Variants in ZBTB20 observed in about 807,000 individuals in gnomAD.
ZBTB20 encodes the protein zinc finger and BTB domain containing 20.
Under a neutral mutation model 56.9 loss-of-function variants are expected in ZBTB20, and 9 were observed. That is an observed-to-expected ratio of 0.16 (90% CI 0.10 to 0.28). The LOEUF (loss-of-function observed/expected upper bound fraction) is 0.28. Ranked by LOEUF, ZBTB20 falls within the 10% of genes least tolerant of loss-of-function variation. ZBTB20 has a pLI of 1.00. For missense variants in ZBTB20, 655 were observed against 1,003.0 expected, an observed-to-expected ratio of 0.65 and a Z score of 4.69; for synonymous variants, 417 against 420.7, an observed-to-expected ratio of 0.99 and a Z score of 0.11.
intron 3 of ZBTB20, among the ~76,000 whole-genome samples, chr3:114,913,677 C>T (rs113888247): frequency 0.015 from 2,333 of 150,876 alleles, 50 homozygotes; most frequent in African/African-American, 0.053. Context: ...TGGAAAGTTT[C>T]CTCAGTGTTT....
intron 7 of ZBTB20, among the ~76,000 whole-genome samples, chr3:114,488,556 A>G (rs2042391219): frequency 6.6e-6 from 1 of 152,202 alleles, no homozygotes; most frequent in African/African-American, 2.4e-5. Context: ...GAAAATATTC[A>G]TGTATATGGC....
chr3:114,832,208 T>G (rs1408450402), intron 4 of ZBTB20, among the ~76,000 whole-genome samples: 1 of 152,126 alleles, frequency 6.6e-6, no homozygotes, highest in Non-Finnish European at 1.5e-5. Flanking sequence ...GCTATCTTGC[T>G]GAATTTCAGT....
In ZBTB20 at chr3:114,865,459, C is replaced by T. The variant is rs55895999; in HGVS notation, c.-417+34845G>A. ...TCTTACTTATATCACTTCTATTAAA[C>T]GGGCAAGATAGAGTCACAAAAAGAG... On this transcript the variant is annotated intron_variant, in intron 4 of 11. Coordinates refer to ENST00000675478, the MANE Select transcript of ZBTB20 (RefSeq NM_001348800.3). Among the ~76,000 whole-genome samples the T allele has an allele frequency of 8.5e-3, 1,300 of 152,162 alleles. 5 individuals are homozygous for T. The highest frequency in any genetic ancestry group is 0.013 in the Non-Finnish European group (898 of 67,974).
intron 2 of ZBTB20, among the ~76,000 whole-genome samples, chr3:114,992,578 C>G (rs1388605500): frequency 6.6e-6 from 1 of 151,746 alleles, no homozygotes; most frequent in Non-Finnish European, 1.5e-5. Context: ...CCCCCTAGAG[C>G]ACCATAGCCA....
intron 6 of ZBTB20, among the ~76,000 whole-genome samples, chr3:114,641,564 A>G (rs2059563017): frequency 6.6e-6 from 1 of 151,832 alleles, no homozygotes; most frequent in South Asian, 2.1e-4. Flanking sequence ...GCTGGAGTAG[A>G]AAGACTAGTT....
chr3:115,051,756 C>G (rs1231990942), intron 2 of ZBTB20, among the ~76,000 whole-genome samples: 1 of 152,134 alleles, frequency 6.6e-6, no homozygotes, highest in Middle Eastern at 3.2e-3. Context: ...TTTCACACTG[C>G]TCTAAAGAAC....
At chr3:114,692,233 GCTTA>G (rs1207166322) in intron 6 of ZBTB20, among the ~76,000 whole-genome samples, 2 of 152,064 alleles carry the variant, frequency 1.3e-5, no homozygotes, top group Admixed American at 1.3e-4. Flanking sequence ...AGCTCCTGAG[GCTTA>G]CTAATACGAG....
At chr3:114,751,958 T>C (rs1015290986) in intron 5 of ZBTB20, among the ~76,000 whole-genome samples, 1 of 152,134 alleles carries the variant, frequency 6.6e-6, no homozygotes, top group Non-Finnish European at 1.5e-5. Context: ...ACAAAATATA[T>C]TTTCAGCAAG....
intron 6 of ZBTB20, among the ~76,000 whole-genome samples, chr3:114,690,794 T>G (rs1231611535): frequency 6.6e-6 from 1 of 152,146 alleles, no homozygotes; most frequent in Non-Finnish European, 1.5e-5. Flanking sequence ...AATTATAAAC[T>G]TTTAAAGCCA....
At chr3:114,870,687 T>A (rs1304938879) in intron 4 of ZBTB20, among the ~76,000 whole-genome samples, 2 of 151,760 alleles carry the variant, frequency 1.3e-5, no homozygotes, top group African/African-American at 2.4e-5. Context: ...TATTAAAAAG[T>A]CAAATTTCAT....
At chr3:114,580,584 A>G (rs75676940) in intron 6 of ZBTB20, among the ~76,000 whole-genome samples, 14,221 of 151,874 alleles carry the variant, frequency 0.094, 776 homozygotes, top group African/African-American at 0.14. Flanking sequence ...ATGTTGCTGT[A>G]GAAAACTTAA....
rs1198619353 is a variant in ZBTB20 at position 114,693,550 on chromosome 3, T to C, written c.-317A>G. 2 of 152,140 alleles carry C rather than the reference T, an allele frequency of 1.3e-5. No individual in the cohort carries two copies. Among genetic ancestry groups the C allele is most frequent in the African/African-American group, 4.8e-5 (2 of 41,444 alleles). The allele number at this position is 152,140 out of a possible 1,614,324, so 9.4% of individuals were successfully genotyped here. Reference sequence around the variant, plus strand: ...TACCAGACAGCAATGTCATGAGGAATATCCTGTTAGTAATGATGAAACATT... The same window carrying C: ...TACCAGACAGCAATGTCATGAGGAACATCCTGTTAGTAATGATGAAACATT... On this transcript the variant is annotated 5_prime_UTR_variant, in exon 6 of 12. It adds an upstream start codon to the 5' untranslated region. Transcript: ENST00000675478.
At chr3:114,540,118 G>A (rs1375021621) in intron 6 of ZBTB20, among the ~76,000 whole-genome samples, 2 of 151,788 alleles carry the variant, frequency 1.3e-5, no homozygotes, top group Non-Finnish European at 2.9e-5. Flanking sequence ...ATGTGTCCAC[G>A]TATTCTCATC....
intron 5 of ZBTB20, among the ~76,000 whole-genome samples, chr3:114,717,594 G>A (rs2064575115): frequency 6.6e-6 from 1 of 152,094 alleles, no homozygotes; most frequent in South Asian, 2.1e-4. Flanking sequence ...TACCATGTTT[G>A]TGTATATTTA....
At chr3:114,570,581 AG>A (rs1483685987) in intron 6 of ZBTB20, among the ~76,000 whole-genome samples, 2 of 152,144 alleles carry the variant, frequency 1.3e-5, no homozygotes, top group Non-Finnish European at 2.9e-5. Context: ...ATTTAAACTC[AG>A]GTCTGTATTT....
At chr3:114,453,560 G>C (rs772844537) in intron 7 of ZBTB20, 1 of 152,070 alleles carries the variant, frequency 6.6e-6, no homozygotes, top group Non-Finnish European at 1.5e-5. Context: ...ATGGACTTTT[G>C]TTCTTTCTTC....
chr3:114,572,233 A>G (rs75069380), intron 6 of ZBTB20, among the ~76,000 whole-genome samples: 14,266 of 152,232 alleles, frequency 0.094, 778 homozygotes, highest in African/African-American at 0.14. Flanking sequence ...ATCTTGAAAG[A>G]TGTTTACTTC....
chr3:115,039,224 C>T (rs6792569), intron 2 of ZBTB20, among the ~76,000 whole-genome samples: 17,872 of 151,786 alleles, frequency 0.12, 2,476 homozygotes, highest in African/African-American at 0.34. Context: ...ACAATAATAT[C>T]CTAAGAAGGG....
chr3:115,100,348 A>C (rs2083544788), intron 1 of ZBTB20: 1 of 151,954 alleles, frequency 6.6e-6, no homozygotes, highest in Non-Finnish European at 1.5e-5. Flanking sequence ...AGAGAGAGAG[A>C]GAGCAAGAGA....
Sources: allele counts gnomAD v4.1 joint callset (sites outside exome capture counted in the v4.1 genomes callset), GRCh38; gene constraint gnomAD v4.1.1; transcripts MANE v1.5; gene names NCBI Gene and HGNC (gene_info 2026-07-23, HGNC 2026-07-21).